The following PRKG1 variants were observed in gnomAD, a reference collection of about 807,000 sequenced individuals.
PRKG1 encodes protein kinase cGMP-dependent 1.
Under a neutral mutation model 88.1 loss-of-function variants are expected in PRKG1, and 35 were observed. The ratio of observed to expected loss-of-function variants is 0.40; its 90% CI spans 0.30 to 0.53. The LOEUF is 0.53. Ranked by LOEUF, PRKG1 falls within the 20% of genes least tolerant of loss-of-function variation. The pLI, the probability that PRKG1 is intolerant of heterozygous loss-of-function variation, is 0.59. For synonymous variants in PRKG1, 303 were observed against 292.5 expected, an observed-to-expected ratio of 1.04 and a Z score of -0.37; for missense variants, 540 against 839.8, an observed-to-expected ratio of 0.64 and a Z score of 4.41.
At chr10:51,089,101 A>G (rs1348052522) in intron 1 of PRKG1, among the ~76,000 whole-genome samples, 2 of 152,160 alleles carry the variant, frequency 1.3e-5, no homozygotes, top group East Asian at 1.9e-4. Context: ...TCCATTTTTC[A>G]GATTGGGATT....
At chr10:51,743,766 TTAGTTGCCTATTTG>T (rs1837508483) in intron 3 of PRKG1, among the ~76,000 whole-genome samples, 1 of 108,722 alleles carries the variant, frequency 9.2e-6, no homozygotes, top group African/African-American at 3.5e-5. Context: ...ATATATATAT[TTAGTTGCCTATTTG>T]GTATTACACA....
At chr10:51,320,273 T>C in intron 2 of PRKG1, 1 of 167,728 alleles carries the variant, frequency 6.0e-6, no homozygotes, top group Non-Finnish European at 1.4e-5. Flanking sequence ...TTTAAAATCC[T>C]GCAACCAGAT....
intron 2 of PRKG1, among the ~76,000 whole-genome samples, chr10:51,190,629 T>C (rs1311079995): frequency 1.3e-5 from 2 of 151,854 alleles, no homozygotes; most frequent in East Asian, 1.9e-4. Flanking sequence ...GAGTTCTCTT[T>C]CTTTGTGCTC....
intron 2 of PRKG1, among the ~76,000 whole-genome samples, chr10:51,193,688 G>T (rs2132044109): frequency 6.6e-6 from 1 of 152,132 alleles, no homozygotes; most frequent in Admixed American, 6.6e-5. Context: ...TCCAACTATT[G>T]ATTCTTATCC....
At chr10:52,174,978 A>G (rs2132716882) in intron 9 of PRKG1, among the ~76,000 whole-genome samples, 1 of 152,168 alleles carries the variant, frequency 6.6e-6, no homozygotes, top group Admixed American at 6.5e-5. Flanking sequence ...CATCTCAAAC[A>G]TTTATGATTT....
At chr10:51,673,902 A>G (rs1162089417) in intron 3 of PRKG1, among the ~76,000 whole-genome samples, 1 of 152,140 alleles carries the variant, frequency 6.6e-6, no homozygotes, top group East Asian at 1.9e-4. Flanking sequence ...ATAATCTTGT[A>G]TTGATCACAC....
At chr10:51,443,483 AT>A (rs886120810) in intron 2 of PRKG1, among the ~76,000 whole-genome samples, 9 of 151,900 alleles carry the variant, frequency 5.9e-5, no homozygotes, top group Admixed American at 6.6e-5. Flanking sequence ...GTATTCATGA[AT>A]TTTTTCTATT....
chr10:51,752,504 C>G (rs955151858), intron 3 of PRKG1, among the ~76,000 whole-genome samples: 1 of 152,140 alleles, frequency 6.6e-6, no homozygotes, highest in African/African-American at 2.4e-5. Flanking sequence ...TTCTTCAAAT[C>G]TGTTATTTAA....
intron 5 of PRKG1, among the ~76,000 whole-genome samples, chr10:51,964,426 T>TTAA (rs1366957902): frequency 1.3e-5 from 2 of 152,350 alleles, no homozygotes; most frequent in South Asian, 2.1e-4. Flanking sequence ...ATTGTGAATG[T>TTAA]TAATGTAAAT....
chr10:52,224,338 C>T (rs929035924), intron 9 of PRKG1, among the ~76,000 whole-genome samples: 25 of 152,250 alleles, frequency 1.6e-4, no homozygotes, highest in Admixed American at 5.2e-4. Flanking sequence ...AGGGCTCACT[C>T]GTCCATCTCC....
At chr10:51,228,850 A>G (rs1462178726) in intron 2 of PRKG1, among the ~76,000 whole-genome samples, 1 of 152,184 alleles carries the variant, frequency 6.6e-6, no homozygotes, top group East Asian at 1.9e-4. Flanking sequence ...ATAAAGCCCT[A>G]CGTGGCCTGG....
intron 9 of PRKG1, among the ~76,000 whole-genome samples, chr10:52,178,424 A>G (rs1157098180): frequency 1.3e-5 from 2 of 152,218 alleles, no homozygotes; most frequent in East Asian, 1.9e-4. Flanking sequence ...CATATCATCT[A>G]TCCTGGGGAA....
chr10:51,572,904 C>T (rs762286256), intron 3 of PRKG1, among the ~76,000 whole-genome samples: 5 of 151,778 alleles, frequency 3.3e-5, no homozygotes, highest in African/African-American at 7.3e-5. Context: ...ACTGTGTCCA[C>T]GTATACCAAA....
Position 51,581,260 on chromosome 10 carries a change from G to A in PRKG1, c.592+113424G>A, listed in dbSNP as rs139476156. 5.3e-3 allele frequency among the ~76,000 whole-genome samples: 800 copies of A among 152,190 alleles called. 8 individuals are homozygous for A. Among genetic ancestry groups the A allele is most frequent in the African/African-American group, 0.018 (759 of 41,544 alleles). ...TCCAACAGAGCCTTAAAACAGAAAC[G>A]CAGTCTTTCCATAACCTATGATTAG... On this transcript the variant is annotated intron_variant, in intron 3 of 17. Transcript: ENST00000373980.
At chr10:51,093,671 T>A (rs768030814) in intron 1 of PRKG1, among the ~76,000 whole-genome samples, 27 of 148,562 alleles carry the variant, frequency 1.8e-4, no homozygotes, top group African/African-American at 6.4e-4. Flanking sequence ...TATATATGTA[T>A]GTATGTGTGT....
Position 51,339,758 on chromosome 10 carries a change from A to G in PRKG1, c.479-127965A>G, listed in dbSNP as rs140063390. ...TCTACAGTATCATTCCAAAAGCCAT[A>G]TAGAAGAACTCCATATGATGAAAGC... On this transcript the variant is annotated intron_variant, in intron 2 of 17. Coordinates refer to ENST00000373980, the MANE Select transcript of PRKG1 (RefSeq NM_006258.4). Among the ~76,000 whole-genome samples, 432 of 152,126 alleles carry G rather than the reference A, an allele frequency of 2.8e-3. 3 individuals carry two copies. Among genetic ancestry groups the G allele is most frequent in the African/African-American group, 0.01 (421 of 41,562 alleles).
At chr10:52,271,036 A>C (rs1458151647) in intron 10 of PRKG1, among the ~76,000 whole-genome samples, 1 of 152,064 alleles carries the variant, frequency 6.6e-6, no homozygotes, top group Non-Finnish European at 1.5e-5. Flanking sequence ...AGAACTATAA[A>C]ATGTATTCAA....
chr10:51,752,469 G>A (rs1589258163), intron 3 of PRKG1, among the ~76,000 whole-genome samples: 1 of 152,140 alleles, frequency 6.6e-6, no homozygotes, highest in Non-Finnish European at 1.5e-5. Flanking sequence ...TTTTAGGGAT[G>A]GAGAGGGTCA....
chr10:51,112,702 A>G (rs1427898856), intron 1 of PRKG1, among the ~76,000 whole-genome samples: 1 of 152,136 alleles, frequency 6.6e-6, no homozygotes, highest in African/African-American at 2.4e-5. Flanking sequence ...ATATTTGGAA[A>G]ATTAGGATAG....
Sources: allele counts gnomAD v4.1 joint callset (sites outside exome capture counted in the v4.1 genomes callset), GRCh38; gene constraint gnomAD v4.1.1; transcripts MANE v1.5; gene names NCBI Gene and HGNC (gene_info 2026-07-23, HGNC 2026-07-21).